The following SMG1 variants were observed in gnomAD, a reference collection of about 807,000 sequenced individuals.
SMG1 encodes the protein SMG1 nonsense mediated mRNA decay associated PI3K related kinase, also known as serine/threonine-protein kinase SMG1.
A neutral mutation model predicts 419.9 loss-of-function variants in SMG1; 22 were observed. The ratio of observed to expected loss-of-function variants is 0.05; its 90% CI spans 0.04 to 0.07. The LOEUF (loss-of-function observed/expected upper bound fraction) is 0.07, where lower values mean the gene tolerates loss of function less well. Ranked by LOEUF, SMG1 falls within the 10% of genes least tolerant of loss-of-function variation. The pLI, the probability that SMG1 is intolerant of heterozygous loss-of-function variation, is 1.00. For synonymous variants in SMG1, 1,538 were observed against 1,553.5 expected, an observed-to-expected ratio of 0.99 and a Z score of 0.23; for missense variants, 3,185 against 4,342.0, an observed-to-expected ratio of 0.73 and a Z score of 7.49.
At chr16:18,912,398 A>T (rs1364331404) in intron 1 of SMG1, among the ~76,000 whole-genome samples, 1 of 152,046 alleles carries the variant, frequency 6.6e-6, no homozygotes, top group Non-Finnish European at 1.5e-5. Flanking sequence ...AAGCAAAGTA[A>T]GGTGATAGTA....
At chr16:18,925,765 G>A (rs1311616262) in intron 1 of SMG1, 185 bp downstream of exon 1, 5 of 469,970 alleles carry the variant, frequency 1.1e-5, no homozygotes, top group Non-Finnish European at 1.9e-5. Flanking sequence ...GGGAGGGGAG[G>A]CACTTAGGCC....
rs2030751515 is a variant in SMG1, at chr16:18,805,617, A to G, written c.*3952T>C. 6.6e-6 allele frequency: 1 copy of G among 152,144 alleles called. No homozygotes were observed. Among genetic ancestry groups the G allele is most frequent in the Non-Finnish European group, 1.5e-5 (1 of 68,006 alleles). The allele number at this position is 152,144 out of a possible 1,614,324, so 9.4% of individuals were successfully genotyped here. A position where few individuals can be genotyped will look rare whatever the true frequency, so the allele number is the denominator to read the frequency against. On this transcript the variant is annotated 3_prime_UTR_variant, in exon 63 of 63. Transcript: ENST00000446231. Reference sequence around the variant, plus strand: ...TGATACAGTGAATTTTCCCCTCCCCAACGTTTGGAAAAAATTGGGACACTT... The same window carrying G: ...TGATACAGTGAATTTTCCCCTCCCCGACGTTTGGAAAAAATTGGGACACTT...
chr16:18,810,559 G>A (rs1050341406), intron 62 of SMG1, among the ~76,000 whole-genome samples: 5 of 152,090 alleles, frequency 3.3e-5, no homozygotes, highest in Admixed American at 6.6e-5. Context: ...TTAGACTTAT[G>A]GATTTATTGG....
intron 1 of SMG1, among the ~76,000 whole-genome samples, chr16:18,921,506 C>G (rs1380368027): frequency 2.6e-5 from 4 of 152,058 alleles, no homozygotes; most frequent in Admixed American, 2.6e-4. Flanking sequence ...ACTTTGAAAT[C>G]CGTGGAACAG....
chr16:18,861,611 C>T (rs2035221290), intron 25 of SMG1: 2 of 152,270 alleles, frequency 1.3e-5, no homozygotes, highest in South Asian at 2.1e-4. Context: ...TAGATCCGTG[C>T]AACCACTGGC....
In SMG1 at chr16:18,834,294, G is replaced by A. The variant is rs1240321562; in HGVS notation, c.8475C>T (p.Cys2825=). The change falls in exon 50 of 63, where the codon TGC becomes TGT. Residue 2825 remains cysteine (C), a synonymous_variant. Coordinates refer to ENST00000446231, the MANE Select transcript of SMG1 (RefSeq NM_015092.5). ...VTCLVQLLKQ[C]HLVPQDLDIP... ...TATCTAAGTCCTGTGGCACCAGGTG[G>A]CACTGCTTCAGTAACTGAACCAAGC... The A allele has an allele frequency of 1.2e-6, 2 of 1,612,030 alleles. No individual in the cohort carries two copies. The highest frequency in any genetic ancestry group is 1.7e-6 in the Non-Finnish European group (2 of 1,179,136).
chr16:18,882,072 GGATT>G (rs1213017862), intron 10 of SMG1, 89 bp downstream of exon 10: 1 of 830,178 alleles, frequency 1.2e-6, no homozygotes, highest in African/African-American at 1.7e-5. Flanking sequence ...AACAAATGAA[GGATT>G]AATAACAGTT....
intron 9 of SMG1, among the ~76,000 whole-genome samples, 153 bp downstream of exon 9, chr16:18,883,916 CT>C: frequency 1.6e-5 from 2 of 126,536 alleles, no homozygotes; most frequent in Admixed American, 8.2e-5. Flanking sequence ...GAGACTCCAT[CT>C]CAAAAAAAAA....
At position 18,834,924 on chromosome 16, in the gene SMG1, A is replaced by G. The variant is rs779290022; in HGVS notation, c.8298T>C (p.Ser2766=). 1.9e-6 allele frequency: 3 copies of G among 1,614,030 alleles called. No individual in the cohort carries two copies. The Admixed American group carries it at 5.0e-5, about 27-fold the overall frequency. ...NGEEGSLSLA[S]VIISALCTLT... Reference sequence around the variant, plus strand: ...GGGTACAAAGGGCAGAAATAATAACACTTGCTAGACTCAAAGATCCTTCTT... The same window carrying G: ...GGGTACAAAGGGCAGAAATAATAACGCTTGCTAGACTCAAAGATCCTTCTT... Residue 2766 remains serine, a synonymous_variant, in exon 49 of 63, where the codon AGT becomes AGC. Transcript: ENST00000446231.
At chr16:18,901,746 A>C (rs2037353215) in intron 1 of SMG1, among the ~76,000 whole-genome samples, 1 of 152,108 alleles carries the variant, frequency 6.6e-6, no homozygotes, top group Admixed American at 6.6e-5. Context: ...AGGCCAAGGC[A>C]GGTGGATCGC....
intron 1 of SMG1, among the ~76,000 whole-genome samples, chr16:18,900,249 T>G (rs1165632056): frequency 1.3e-5 from 2 of 152,194 alleles, no homozygotes; most frequent in Non-Finnish European, 1.5e-5. Flanking sequence ...CCAAAAAAAT[T>G]TTAGTACATA....
intron 15 of SMG1, among the ~76,000 whole-genome samples, chr16:18,871,911 C>G (rs2035844989): frequency 6.6e-6 from 1 of 150,494 alleles, no homozygotes; most frequent in Admixed American, 6.6e-5. Flanking sequence ...AAAAAAAAAG[C>G]AAAGAATATT....
At position 18,854,801 on chromosome 16, in the gene SMG1, T is replaced by C; in HGVS notation, c.4338A>G (p.Ala1446=). The change falls in exon 30 of 63, where the codon GCA becomes GCG. Residue 1446 remains alanine, a synonymous_variant. Transcript: ENST00000446231. ...GNVSLATRLL[A]QCSEVQLGKT... ...TTCCCAGCTGAACTTCACTGCACTG[T>C]GCCAGCAGTCTTGTTGCAAGGGACA... 6.2e-7 allele frequency: 1 copy of C among 1,614,066 alleles called. No individual in the cohort carries two copies. Among genetic ancestry groups the C allele is most frequent in the East Asian group, 2.2e-5 (1 of 44,892 alleles).
chr16:18,926,190 A>C lies in SMG1; in HGVS notation c.-149T>G, dbSNP rs1461317299. On this transcript the variant is annotated 5_prime_UTR_variant, in exon 1 of 63. Coordinates refer to ENST00000446231, the MANE Select transcript of SMG1 (RefSeq NM_015092.5). ...GAGGAGGAGGAGGAGGAGAAGGAGG[A>C]GGCGGCGGAGGGCGGGGGAAGAGGA... is the stretch of plus-strand genomic sequence containing the variant. 2.4e-5 allele frequency: 14 copies of C among 594,440 alleles called. No homozygotes were observed. Among genetic ancestry groups the C allele is most frequent in the East Asian group, 6.7e-5 (2 of 29,730 alleles). The allele number at this position is 594,440 out of a possible 1,614,324, so 36.8% of individuals were successfully genotyped here.
chr16:18,925,149 G>C (rs1177602244), intron 1 of SMG1: 1 of 152,076 alleles, frequency 6.6e-6, no homozygotes, highest in African/African-American at 2.4e-5. Context: ...CCCTCCCATT[G>C]ATCAAAAAGA....
In SMG1 at chr16:18,826,925, G is replaced by A. The variant is rs577365985; in HGVS notation, c.9741+1106C>T. ...CAATCAGCGAGATTCCGTGGGCGTA[G>A]GACCCTCTGAGCCAGGTGTGGGATA... On this transcript the variant is annotated intron_variant, in intron 55 of 62. Transcript: ENST00000446231. 6.6e-5 allele frequency among the ~76,000 whole-genome samples: 4 copies of A among 60,452 alleles called. 1 individual carries two copies. In the South Asian group the frequency reaches 2.4e-3, roughly 36 times the overall value. The allele number at this position is 60,452 out of a possible 152,430, so 39.7% of individuals were successfully genotyped here. A position where few individuals can be genotyped will look rare whatever the true frequency, so the allele number is the denominator to read the frequency against.
At position 18,807,304 on chromosome 16, in the gene SMG1, GAA is replaced by G. The variant is rs2030927717; in HGVS notation, c.*2263_*2264del. 1 of 152,170 alleles carries G rather than the reference GAA, an allele frequency of 6.6e-6. No individual in the cohort carries two copies. The highest frequency in any genetic ancestry group is 2.1e-4 in the South Asian group (1 of 4,828). The allele number at this position is 152,170 out of a possible 1,614,324, so 9.4% of individuals were successfully genotyped here. A position where few individuals can be genotyped will look rare whatever the true frequency, so the allele number is the denominator to read the frequency against. ...TATGATGACAATAAAGAATGTTGCT[GAA>G]AGACTTTAATCTTGAGAGAGCAGAG... is the stretch of plus-strand genomic sequence containing the variant. On this transcript the variant is annotated 3_prime_UTR_variant, in exon 63 of 63. Transcript: ENST00000446231.
intron 31 of SMG1, among the ~76,000 whole-genome samples, chr16:18,853,094 C>T (rs1347129407): frequency 1.3e-5 from 2 of 152,136 alleles, no homozygotes; most frequent in Non-Finnish European, 2.9e-5. Flanking sequence ...AACCATCTCC[C>T]AAATTTTCTC....
Position 18,852,159 on chromosome 16 carries a change from G to T in SMG1, c.4960C>A (p.Gln1654Lys). Reference sequence around the variant, plus strand: ...GTTATAGTGTCTGGAAGTAGATTCTGAACTTCAGATTTTTCTCTAGGCAGC... The same window carrying T: ...GTTATAGTGTCTGGAAGTAGATTCTTAACTTCAGATTTTTCTCTAGGCAGC... ...RLLPREKSEV[Q>K]NLLPDTITEE... The change falls in exon 33 of 63, where the codon CAG becomes AAG. Residue 1654 changes from glutamine to lysine, a missense_variant. Gln to Lys is a moderately conservative substitution (Grantham distance 53). Coordinates refer to ENST00000446231, the MANE Select transcript of SMG1 (RefSeq NM_015092.5). 6.2e-7 allele frequency: 1 copy of T among 1,613,716 alleles called. No individual in the cohort carries two copies. The highest frequency in any genetic ancestry group is 1.1e-5 in the South Asian group (1 of 91,052).
Sources: allele counts gnomAD v4.1 joint callset (sites outside exome capture counted in the v4.1 genomes callset), GRCh38; gene constraint gnomAD v4.1.1; transcripts MANE v1.5; gene names NCBI Gene and HGNC (gene_info 2026-07-23, HGNC 2026-07-21).